Variants in C8orf33 observed in about 807,000 individuals in gnomAD.
C8orf33 encodes UPF0488 protein C8orf33.
Under a neutral mutation model 25.7 loss-of-function variants are expected in C8orf33, and 28 were observed. That is an observed-to-expected ratio of 1.09 (90% CI 0.81 to 1.49). C8orf33 has a LOEUF of 1.49. Among genes scored for constraint, C8orf33 ranks in the 40% most tolerant of loss-of-function variants. C8orf33 has a pLI of 0.00. For missense variants in C8orf33, 369 were observed against 294.4 expected, an observed-to-expected ratio of 1.25 and a Z score of -1.85; for synonymous variants, 153 against 115.9, an observed-to-expected ratio of 1.32 and a Z score of -2.06.
chr8:145,052,523 G>A lies in C8orf33; in HGVS notation c.6+26G>A, dbSNP rs566306900. 4.4e-6 allele frequency: 7 copies of A among 1,600,318 alleles called. No individual in the cohort carries two copies. In the East Asian group the frequency reaches 1.6e-4, roughly 36 times the overall value. On this transcript the variant is annotated intron_variant, in intron 1 of 4. Coordinates refer to ENST00000331434, the MANE Select transcript of C8orf33 (RefSeq NM_023080.3). ...GTGAGCGGTGTGGAGAAGACGCGCG[G>A]GTGGCTGGGCCTTGCATTGTTGGCG...
In C8orf33 at chr8:145,054,017, G is replaced by C. The variant is rs1251040576; in HGVS notation, c.551-1G>C. The C allele has an allele frequency of 6.2e-7, 1 of 1,613,688 alleles. No homozygotes were observed. Among genetic ancestry groups the C allele is most frequent in the Admixed American group, 1.7e-5 (1 of 59,972 alleles). On this transcript the variant is annotated splice_acceptor_variant, in intron 4 of 4. Transcript: ENST00000331434. LOFTEE classifies it high-confidence loss of function. The stretch of plus-strand genomic sequence containing the variant: ...ACATACGCTGCTTCTCTCCCCGACA[G>C]CTGCTTATTCAGCCCAGGTGCAACC...
intron 2 of C8orf33, 52 bp from the exon 3 acceptor site, chr8:145,053,010 G>A: frequency 6.2e-7 from 1 of 1,612,556 alleles, no homozygotes; most frequent in East Asian, 2.2e-5. Context: ...TGGGGCCGGC[G>A]GCTATGGTTT....
At position 145,053,107 on chromosome 8, in the gene C8orf33, G is replaced by T; in HGVS notation, c.364G>T (p.Glu122Ter). 1 of 1,614,154 alleles carries T rather than the reference G, an allele frequency of 6.2e-7. No individual in the cohort carries two copies. The highest frequency in any genetic ancestry group is 8.5e-7 in the Non-Finnish European group (1 of 1,180,008). The change falls in exon 3 of 5, where the codon GAG becomes TAG. Residue 122 changes from glutamate to a stop codon, truncating the protein, a stop_gained. Coordinates refer to ENST00000331434, the MANE Select transcript of C8orf33 (RefSeq NM_023080.3). LOFTEE classifies it high-confidence loss of function. ...ATTGGCTTGGTGTGTGGAGCAACTG[G>T]AGCTGGGCCTCAAGAGGCAGAAACC... ...QELAWCVEQL[E>*]LGLKRQKPTP...
Position 145,052,829 on chromosome 8 carries a change from G to A in C8orf33, c.250G>A (p.Ala84Thr). The change falls in exon 2 of 5, where the codon GCA becomes ACA. Residue 84 changes from alanine to threonine, a missense_variant. Transcript: ENST00000331434. ...KKKTRNRASV[A>T]NGGEKASEKL... ...GAAAACGCGGAACAGGGCCTCTGTGGCAAATGGAGGCGAGAAGGCCTCAGA... is the reference window on the plus strand; with the variant it reads ...GAAAACGCGGAACAGGGCCTCTGTGACAAATGGAGGCGAGAAGGCCTCAGA... 2.5e-6 allele frequency: 4 copies of A among 1,614,026 alleles called. No homozygotes were observed. The highest frequency in any genetic ancestry group is 3.4e-6 in the Non-Finnish European group (4 of 1,180,036).
chr8:145,053,934 G>A, intron 4 of C8orf33, 84 bp from the exon 5 acceptor site: 1 of 1,478,858 alleles, frequency 6.8e-7, no homozygotes, highest in South Asian at 1.2e-5. Flanking sequence ...AAGGTGGTTA[G>A]AATTGTATGG....
chr8:145,052,886 G>T lies in C8orf33; in HGVS notation c.307G>T (p.Ala103Ser), dbSNP rs761182246. ...KLAPEEVPLS[A>S]EAQAQQLAQE... ...CGCCCCAGAAGAAGTTCCCCTAAGCGCTGAGGCCCAGGCAAGGGCGGGCTT... is the reference window on the plus strand; with the variant it reads ...CGCCCCAGAAGAAGTTCCCCTAAGCTCTGAGGCCCAGGCAAGGGCGGGCTT... Residue 103 changes from alanine to serine, a missense_variant, in exon 2 of 5, where the codon GCT becomes TCT. Physicochemically the swap from Ala to Ser is moderately conservative, Grantham distance 99 (BLOSUM62 1). Transcript: ENST00000331434. 8 of 1,612,300 alleles carry T rather than the reference G, an allele frequency of 5.0e-6. No individual in the cohort carries two copies. The highest frequency in any genetic ancestry group is 1.7e-5 in the Admixed American group (1 of 59,676).
rs547983311 is a variant in C8orf33, at chr8:145,055,647, G to C, written c.*1490G>C. On this transcript the variant is annotated 3_prime_UTR_variant, in exon 5 of 5. Transcript: ENST00000331434. Reference sequence around the variant, plus strand: ...TCAGGCCCGCCCGCAGTTATCCAGAGGCCTGTCTCCCTGTGATGCTGTGCT... The same window carrying C: ...TCAGGCCCGCCCGCAGTTATCCAGACGCCTGTCTCCCTGTGATGCTGTGCT... 1 of 153,402 alleles carries C rather than the reference G, an allele frequency of 6.5e-6. No homozygotes were observed. The highest frequency in any genetic ancestry group is 1.5e-5 in the Non-Finnish European group (1 of 68,960). The allele number at this position is 153,402 out of a possible 1,614,324, so 9.5% of individuals were successfully genotyped here.
Position 145,052,724 on chromosome 8 carries a change from A to G in C8orf33, c.145A>G (p.Thr49Ala). ...STVCLCPEQP[T>A]CSNADSRAHP... ...TGTCTGTCTCTGCCCAGAGCAACCT[A>G]CGTGCAGTAACGCTGACTCCAGAGC... The change falls in exon 2 of 5, where the codon ACG (threonine) becomes GCG (alanine). Residue 49 changes from threonine to alanine, a missense_variant. Transcript: ENST00000331434. The G allele has an allele frequency of 1.9e-6, 3 of 1,614,136 alleles. No homozygotes were observed. Among genetic ancestry groups the G allele is most frequent in the Non-Finnish European group, 1.7e-6 (2 of 1,180,016 alleles).
chr8:145,052,965 G>C, intron 2 of C8orf33, 68 bp downstream of exon 2: 1 of 1,602,304 alleles, frequency 6.2e-7, no homozygotes, highest in East Asian at 2.2e-5. Context: ...GTGTGATCTG[G>C]GGTCCGCGGA....
At chr8:145,053,009 C>T (rs1225759364) in intron 2 of C8orf33, 53 bp from the exon 3 acceptor site, 4 of 1,610,878 alleles carry the variant, frequency 2.5e-6, no homozygotes, top group African/African-American at 2.7e-5. Context: ...ATGGGGCCGG[C>T]GGCTATGGTT....
chr8:145,053,912 G>A, intron 4 of C8orf33, 106 bp from the exon 5 acceptor site: 2 of 1,337,438 alleles, frequency 1.5e-6, no homozygotes. Flanking sequence ...GAATTAATCA[G>A]TTAATTTATG....
In C8orf33 at chr8:145,054,231, C is replaced by T; in HGVS notation, c.*74C>T. 1 of 1,531,570 alleles carries T rather than the reference C, an allele frequency of 6.5e-7. No individual in the cohort carries two copies. Among genetic ancestry groups the T allele is most frequent in the Non-Finnish European group, 8.9e-7 (1 of 1,128,814 alleles). 94.9% of individuals were successfully genotyped at this position (1,531,570 alleles called of 1,614,324 possible). A position where few individuals can be genotyped will look rare whatever the true frequency, so the allele number is the denominator to read the frequency against. ...GTTTGTTTTGAGTGCAGAGCCTTTCCAGGACTTCTGTTGTCAGAGAACCCT... is the reference window on the plus strand; with the variant it reads ...GTTTGTTTTGAGTGCAGAGCCTTTCTAGGACTTCTGTTGTCAGAGAACCCT... On this transcript the variant is annotated 3_prime_UTR_variant, in exon 5 of 5. Coordinates refer to ENST00000331434, the MANE Select transcript of C8orf33 (RefSeq NM_023080.3).
chr8:145,054,377 A>G lies in C8orf33; in HGVS notation c.*220A>G, dbSNP rs1835326494. 1.4e-5 allele frequency: 7 copies of G among 485,932 alleles called. No individual in the cohort carries two copies. The East Asian group carries it at 2.4e-4, about 16-fold the overall frequency. 30.1% of individuals were successfully genotyped at this position (485,932 alleles called of 1,614,324 possible). On this transcript the variant is annotated 3_prime_UTR_variant, in exon 5 of 5. Transcript: ENST00000331434. ...AAATGTTCTCTCTTTCAGAAGAGAG[A>G]GAGAGGTGCATTTAGAAAATATGCA...
intron 2 of C8orf33, 57 bp from the exon 3 acceptor site, chr8:145,053,005 C>A: frequency 6.2e-7 from 1 of 1,610,252 alleles, no homozygotes; most frequent in African/African-American, 1.3e-5. Context: ...TGGGATGGGG[C>A]CGGCGGCTAT....
chr8:145,053,235 G>A (rs1835304954), intron 3 of C8orf33, 62 bp from the exon 4 acceptor site: 7 of 1,612,796 alleles, frequency 4.3e-6, no homozygotes, highest in Admixed American at 3.3e-5. Flanking sequence ...TGTTGGCTTT[G>A]CGGCGGGGTG....
chr8:145,052,546 G>C lies in C8orf33; in HGVS notation c.7-40G>C, dbSNP rs751892687. Reference sequence around the variant, plus strand: ...CGGGTGGCTGGGCCTTGCATTGTTGGCGGCTCTCGGTGACCCTCGTGCTAC... The same window carrying C: ...CGGGTGGCTGGGCCTTGCATTGTTGCCGGCTCTCGGTGACCCTCGTGCTAC... On this transcript the variant is annotated intron_variant, in intron 1 of 4. Transcript: ENST00000331434. 35 of 1,600,930 alleles carry C rather than the reference G, an allele frequency of 2.2e-5. No homozygotes were observed. In the South Asian group the frequency reaches 3.7e-4, roughly 17 times the overall value.
chr8:145,052,509 G>C lies in C8orf33; in HGVS notation c.6+12G>C. The C allele has an allele frequency of 6.3e-7, 1 of 1,599,834 alleles. No individual in the cohort carries two copies. The highest frequency in any genetic ancestry group is 8.5e-7 in the Non-Finnish European group (1 of 1,179,674). On this transcript the variant is annotated intron_variant, in intron 1 of 4. Transcript: ENST00000331434. ...TGCGGCGCATGGCGGTGAGCGGTGT[G>C]GAGAAGACGCGCGGGTGGCTGGGCC...
rs984753048 is a variant in C8orf33, at chr8:145,055,207, G to C, written c.*1050G>C. On this transcript the variant is annotated 3_prime_UTR_variant, in exon 5 of 5. Coordinates refer to ENST00000331434, the MANE Select transcript of C8orf33 (RefSeq NM_023080.3). ...CAGTATAATAAAATATATAAAATAAGAAGAGTTATACTAGATCTAGATCAT... is the reference window on the plus strand; with the variant it reads ...CAGTATAATAAAATATATAAAATAACAAGAGTTATACTAGATCTAGATCAT... The C allele has an allele frequency of 3.3e-5, 5 of 152,034 alleles. No homozygotes were observed. The highest frequency in any genetic ancestry group is 3.3e-4 in the Admixed American group (5 of 15,254). The allele number at this position is 152,034 out of a possible 1,614,324, so 9.4% of individuals were successfully genotyped here. A position where few individuals can be genotyped will look rare whatever the true frequency, so the allele number is the denominator to read the frequency against.
rs760741150 is a variant in C8orf33 at position 145,054,241 on chromosome 8, G to T, written c.*84G>T. 5 of 1,490,838 alleles carry T rather than the reference G, an allele frequency of 3.4e-6. No individual in the cohort carries two copies. The Admixed American group carries it at 9.8e-5, about 29-fold the overall frequency. 92.4% of individuals were successfully genotyped at this position (1,490,838 alleles called of 1,614,324 possible). A position where few individuals can be genotyped will look rare whatever the true frequency, so the allele number is the denominator to read the frequency against. On this transcript the variant is annotated 3_prime_UTR_variant, in exon 5 of 5. Transcript: ENST00000331434. The stretch of plus-strand genomic sequence containing the variant: ...AGTGCAGAGCCTTTCCAGGACTTCT[G>T]TTGTCAGAGAACCCTGGAGTTGGTC...
Sources: allele counts gnomAD v4.1 joint callset, GRCh38; gene constraint gnomAD v4.1.1; transcripts MANE v1.5; gene names NCBI Gene and HGNC (gene_info 2026-07-23, HGNC 2026-07-21).